LINGO2: variants seen among roughly 807,000 people sequenced by gnomAD.
LINGO2 encodes the protein leucine-rich repeat and immunoglobulin-like domain-containing nogo receptor-interacting protein 2.
In LINGO2, 14 loss-of-function variants were observed where a neutral mutation model predicts 30.6. The observed-to-expected ratio is 0.46, with a 90% CI of 0.30 to 0.72. The LOEUF is 0.72. Among genes scored for constraint, LINGO2 ranks in the 30% least tolerant of loss-of-function variants. The probability of loss-of-function intolerance (pLI) is 0.07; values close to 1 mark genes in which losing one functional copy is unlikely to be tolerated. For synonymous variants in LINGO2, 317 were observed against 288.5 expected (o/e 1.10, Z -1.00); for missense variants, 729 against 751.7 (o/e 0.97, Z 0.35).
At chr9:28,088,206 A>G (rs1417503953) in intron 4 of LINGO2, among the ~76,000 whole-genome samples, 1 of 370 alleles carries the variant, frequency 2.7e-3, no homozygotes, top group African/African-American at 4.1e-3. Flanking sequence ...ATAATTATAC[A>G]CACACACACA....
chr9:28,659,601 C>A (rs953809186), intron 1 of LINGO2, among the ~76,000 whole-genome samples: 2 of 151,984 alleles, frequency 1.3e-5, no homozygotes, highest in African/African-American at 4.8e-5. Context: ...GTGCATGCAA[C>A]CACAGCCAGC....
At chr9:28,434,627 A>G (rs1383697497) in intron 2 of LINGO2, among the ~76,000 whole-genome samples, 1 of 151,800 alleles carries the variant, frequency 6.6e-6, no homozygotes, top group Non-Finnish European at 1.5e-5. Flanking sequence ...CTTCTGTCTC[A>G]GTATTCGCCA....
intron 1 of LINGO2, among the ~76,000 whole-genome samples, chr9:28,520,661 G>A (rs1325347472): frequency 2.0e-5 from 3 of 152,070 alleles, no homozygotes; most frequent in Non-Finnish European, 4.4e-5. Flanking sequence ...TAGTACCCAA[G>A]AGGCATTGAA....
chr9:28,835,416 T>C, the LINGO2 span, among the ~76,000 whole-genome samples: 6,369 of 152,244 alleles, frequency 0.042, 408 homozygotes, highest in African/African-American at 0.14. Flanking sequence ...AATATAGAAA[T>C]ATTAATGAGG....
chr9:28,152,747 A>C (rs1419639183), intron 4 of LINGO2, among the ~76,000 whole-genome samples: 1 of 152,234 alleles, frequency 6.6e-6, no homozygotes, highest in Non-Finnish European at 1.5e-5. Flanking sequence ...AAATGTAAAA[A>C]AATAAAAATG....
At position 28,134,344 on chromosome 9, in the gene LINGO2, C is replaced by T. The variant is rs540133185; in HGVS notation, c.-86-121939G>A. Among the ~76,000 whole-genome samples the T allele has an allele frequency of 9.2e-5, 14 of 152,254 alleles. No homozygotes were observed. In the South Asian group the frequency reaches 1.5e-3, roughly 16 times the overall value. ...GGTTATTGTTTACCTAAGAACAACT[C>T]GCTATTCCTCTTAGAAACCATTAAG... On this transcript the variant is annotated intron_variant, in intron 4 of 5. Transcript: ENST00000379992.
chr9:28,657,381 T>G (rs1165027314), intron 1 of LINGO2, among the ~76,000 whole-genome samples: 1 of 152,028 alleles, frequency 6.6e-6, no homozygotes, highest in Admixed American at 6.6e-5. Flanking sequence ...TACTCCGGGC[T>G]TTTTTATTTT....
At chr9:28,837,681 T>TATATA in the LINGO2 span, among the ~76,000 whole-genome samples, 28 of 130,756 alleles carry the variant, frequency 2.1e-4, no homozygotes, top group South Asian at 7.6e-4. Context: ...TATATATATA[T>TATATA]TTAGGATAAC....
At chr9:28,117,448 G>C (rs1164533965) in intron 4 of LINGO2, among the ~76,000 whole-genome samples, 2 of 105,068 alleles carry the variant, frequency 1.9e-5, no homozygotes, top group Non-Finnish European at 3.9e-5. Context: ...CCCAGTTCGA[G>C]CTTCCCGGCT....
chr9:28,693,743 T>C, the LINGO2 span, among the ~76,000 whole-genome samples: 906 of 152,248 alleles, frequency 6.0e-3, 11 homozygotes, highest in Non-Finnish European at 9.7e-3. Context: ...AAATAATTAC[T>C]GGCTTGAAAA....
At chr9:28,825,265 A>AGTAGTGAAGCT in the LINGO2 span, among the ~76,000 whole-genome samples, 3 of 152,070 alleles carry the variant, frequency 2.0e-5, no homozygotes, top group Admixed American at 2.0e-4. Flanking sequence ...GGATGTCTAT[A>AGTAGTGAAGCT]ACTGAGTGAA....
chr9:29,104,995 T>C, the LINGO2 span, among the ~76,000 whole-genome samples: 6 of 152,190 alleles, frequency 3.9e-5, no homozygotes, highest in Non-Finnish European at 8.8e-5. Context: ...CGCAATGGGT[T>C]CTCTTTAGTC....
At chr9:29,051,643 A>G in the LINGO2 span, among the ~76,000 whole-genome samples, 2 of 152,032 alleles carry the variant, frequency 1.3e-5, no homozygotes, top group Non-Finnish European at 2.9e-5. Context: ...TTGGATCTCT[A>G]TATTAGGAGT....
At chr9:28,720,819 T>C in the LINGO2 span, among the ~76,000 whole-genome samples, 4 of 151,950 alleles carry the variant, frequency 2.6e-5, no homozygotes, top group Non-Finnish European at 5.9e-5. Context: ...TCATGCAAAA[T>C]AAAATAATAA....
chr9:29,145,590 G>A, the LINGO2 span, among the ~76,000 whole-genome samples: 1 of 151,972 alleles, frequency 6.6e-6, no homozygotes, highest in Non-Finnish European at 1.5e-5. Flanking sequence ...TTTAGCCTAA[G>A]CCAAGCAATC....
At chr9:28,840,771 G>A in the LINGO2 span, among the ~76,000 whole-genome samples, 1 of 151,850 alleles carries the variant, frequency 6.6e-6, no homozygotes, top group African/African-American at 2.4e-5. Context: ...TTTAACTAAG[G>A]TTATGGATCC....
At chr9:29,077,269 AG>A in the LINGO2 span, among the ~76,000 whole-genome samples, 5 of 151,462 alleles carry the variant, frequency 3.3e-5, no homozygotes, top group Admixed American at 2.6e-4. Context: ...TTAAAAAAAA[AG>A]AAATCATGAA....
chr9:28,262,229 T>C (rs1295276796), intron 4 of LINGO2, among the ~76,000 whole-genome samples: 1 of 151,600 alleles, frequency 6.6e-6, no homozygotes, highest in Non-Finnish European at 1.5e-5. Flanking sequence ...ATAAATCACT[T>C]AGCAAAGTAC....
the LINGO2 span, among the ~76,000 whole-genome samples, chr9:28,898,725 G>A: frequency 6.6e-6 from 1 of 152,052 alleles, no homozygotes; most frequent in African/African-American, 2.4e-5. Flanking sequence ...AAATTAATGA[G>A]AACACAGACA....
Sources: gnomAD v4.1 joint callset for allele counts (sites outside exome capture counted in the v4.1 genomes callset) on GRCh38, gnomAD v4.1.1 for gene constraint, MANE v1.5 for transcripts, NCBI Gene and HGNC (gene_info 2026-07-23, HGNC 2026-07-21) for gene names.